Variants in ERC2 observed in about 807,000 individuals in gnomAD.
The protein encoded by ERC2 is ERC protein 2.
A neutral mutation model predicts 114.8 loss-of-function variants in ERC2; 42 were observed. The ratio of observed to expected loss-of-function variants is 0.37; its 90% CI spans 0.29 to 0.47. The LOEUF (loss-of-function observed/expected upper bound fraction) is 0.47, where lower values mean the gene tolerates loss of function less well. ERC2 is among the 20% of genes least tolerant of loss of function. ERC2 has a pLI of 0.99. For missense variants in ERC2, 939 were observed against 1,150.7 expected, an observed-to-expected ratio of 0.82 and a Z score of 2.66; for synonymous variants, 454 against 425.5, an observed-to-expected ratio of 1.07 and a Z score of -0.82.
chr3:56,356,262 T>G (rs1180040131), intron 2 of ERC2, among the ~76,000 whole-genome samples: 1 of 152,162 alleles, frequency 6.6e-6, no homozygotes, highest in Non-Finnish European at 1.5e-5. Flanking sequence ...AAATACAATT[T>G]TCCTAGGCTG....
intron 12 of ERC2, among the ~76,000 whole-genome samples, chr3:55,982,092 G>A (rs1006156746): frequency 1.3e-5 from 2 of 152,154 alleles, no homozygotes; most frequent in Non-Finnish European, 2.9e-5. Flanking sequence ...GCTGGCTGGA[G>A]AGGGGAGATA....
chr3:56,305,377 A>G (rs569978102), intron 2 of ERC2, among the ~76,000 whole-genome samples: 2 of 152,290 alleles, frequency 1.3e-5, no homozygotes, highest in South Asian at 4.1e-4. Context: ...AGAAATGAGC[A>G]GGCATTTCAC....
chr3:56,373,829 G>A (rs2059438887), intron 2 of ERC2, among the ~76,000 whole-genome samples: 2 of 152,148 alleles, frequency 1.3e-5, no homozygotes, highest in Admixed American at 6.5e-5. Context: ...TATGGACATG[G>A]ACATGCGTAT....
chr3:56,138,773 C>T (rs2080674258), intron 6 of ERC2, among the ~76,000 whole-genome samples: 1 of 152,168 alleles, frequency 6.6e-6, no homozygotes, highest in South Asian at 2.1e-4. Context: ...CATTTGATAA[C>T]TATTTTATTT....
chr3:56,361,379 A>G (rs896787304), intron 2 of ERC2, among the ~76,000 whole-genome samples: 4 of 152,146 alleles, frequency 2.6e-5, no homozygotes, highest in Non-Finnish European at 4.4e-5. Flanking sequence ...AGAGAAAGCA[A>G]TTAAGGATCC....
intron 12 of ERC2, among the ~76,000 whole-genome samples, chr3:55,962,415 A>G (rs1020240152): frequency 6.6e-6 from 1 of 152,354 alleles, no homozygotes. Context: ...CAATATATAC[A>G]CTAATATATA....
chr3:56,377,196 C>T (rs191102093), intron 2 of ERC2, among the ~76,000 whole-genome samples: 1 of 152,232 alleles, frequency 6.6e-6, no homozygotes, highest in East Asian at 1.9e-4. Flanking sequence ...GTAAAATATA[C>T]CAGTTTTGTG....
At chr3:56,340,888 C>CCTCCCAAGATAGACCTGTGCTACT (rs2058063605) in intron 2 of ERC2, among the ~76,000 whole-genome samples, 7 of 151,714 alleles carry the variant, frequency 4.6e-5, no homozygotes, top group Admixed American at 4.6e-4. Flanking sequence ...GGAGAAAGAC[C>CCTCCCAAGATAGACCTGTGCTACT]TCCTCCCAAG....
At chr3:55,751,513 A>G (rs35277336) in intron 14 of ERC2, among the ~76,000 whole-genome samples, 27,922 of 152,074 alleles carry the variant, frequency 0.18, 2,825 homozygotes, top group Admixed American at 0.29. Context: ...CACAATATGT[A>G]TATATATATT....
At chr3:56,010,409 G>A (rs374178464) in intron 9 of ERC2, 40 bp downstream of exon 9, 2 of 1,601,694 alleles carry the variant, frequency 1.2e-6, no homozygotes, top group African/African-American at 2.7e-5. Flanking sequence ...ATGGGTTTAT[G>A]AGGACTATCA....
At chr3:56,253,954 G>A (rs890629918) in intron 3 of ERC2, among the ~76,000 whole-genome samples, 1 of 152,152 alleles carries the variant, frequency 6.6e-6, no homozygotes, top group Admixed American at 6.5e-5. Flanking sequence ...TCTTACTTAG[G>A]AATTCAACCT....
At chr3:55,824,869 C>T (rs764010410) in intron 14 of ERC2, among the ~76,000 whole-genome samples, 1 of 152,184 alleles carries the variant, frequency 6.6e-6, no homozygotes, top group Admixed American at 6.5e-5. Flanking sequence ...CCTGCCCAAA[C>T]GTGGTTAGCC....
chr3:56,216,847 C>T (rs1369264019), intron 3 of ERC2, among the ~76,000 whole-genome samples: 1 of 152,144 alleles, frequency 6.6e-6, no homozygotes, highest in East Asian at 1.9e-4. Flanking sequence ...AAACGCAAAT[C>T]AATAAAAATA....
intron 17 of ERC2, among the ~76,000 whole-genome samples, chr3:55,601,111 C>G (rs1419409443): frequency 6.6e-6 from 1 of 152,208 alleles, no homozygotes; most frequent in Non-Finnish European, 1.5e-5. Context: ...GACCAGTAAA[C>G]TGGAGAGGGC....
intron 13 of ERC2, among the ~76,000 whole-genome samples, chr3:55,892,082 A>G (rs1024650594): frequency 1.3e-5 from 2 of 152,192 alleles, no homozygotes; most frequent in Non-Finnish European, 2.9e-5. Context: ...ATTTACCTCA[A>G]CAGGTAAATA....
At chr3:56,237,346 A>G (rs1359607221) in intron 3 of ERC2, among the ~76,000 whole-genome samples, 1 of 152,170 alleles carries the variant, frequency 6.6e-6, no homozygotes, top group Non-Finnish European at 1.5e-5. Context: ...ATAGTTGCTT[A>G]TACTTTCATC....
chr3:56,050,237 T>C (rs2075698813), intron 7 of ERC2, among the ~76,000 whole-genome samples: 1 of 152,142 alleles, frequency 6.6e-6, no homozygotes, highest in African/African-American at 2.4e-5. Flanking sequence ...TAGTAAAACA[T>C]GCTTATATTA....
chr3:55,676,472 TTATTA>T (rs1405512266), intron 17 of ERC2, among the ~76,000 whole-genome samples: 9 of 149,966 alleles, frequency 6.0e-5, no homozygotes, highest in Non-Finnish European at 1.0e-4. Context: ...ATTATTATTA[TTATTA>T]TTTTAGCATT....
At chr3:55,790,437 G>A (rs1313451939) in intron 14 of ERC2, among the ~76,000 whole-genome samples, 5 of 152,136 alleles carry the variant, frequency 3.3e-5, no homozygotes, top group African/African-American at 4.8e-5. Flanking sequence ...CCCTCATCCC[G>A]TCAGCACTCA....
Sources: allele counts gnomAD v4.1 joint callset (sites outside exome capture counted in the v4.1 genomes callset), GRCh38; gene constraint gnomAD v4.1.1; transcripts MANE v1.5; gene names NCBI Gene and HGNC (gene_info 2026-07-23, HGNC 2026-07-21).